Variants in UMAD1 observed in about 807,000 individuals in gnomAD.
UMAD1 encodes UBAP1-MVB12-associated (UMA) domain containing 1.
In UMAD1, 8 loss-of-function variants were observed where a neutral mutation model predicts 6.1. That is an observed-to-expected ratio of 1.30 (90% confidence interval 0.76 to 2.35). The LOEUF (loss-of-function observed/expected upper bound fraction) is 2.35, where lower values mean the gene tolerates loss of function less well. UMAD1 is among the 30% of genes most tolerant of loss of function. UMAD1 has a pLI of 0.00. For missense variants in UMAD1, 130 were observed against 78.4 expected (o/e 1.66, Z -2.49); for synonymous variants, 56 against 31.4 (o/e 1.78, Z -2.61).
chr7:7,860,452 C>T (rs1057513432), intron 3 of UMAD1, among the ~76,000 whole-genome samples: 5 of 151,874 alleles, frequency 3.3e-5, no homozygotes, highest in Admixed American at 6.6e-5. Flanking sequence ...CTCAACTTTT[C>T]CACCTTTTAC....
chr7:7,827,208 TATAGC>T (rs1470437656), intron 3 of UMAD1, among the ~76,000 whole-genome samples: 2 of 149,944 alleles, frequency 1.3e-5, no homozygotes, highest in African/African-American at 4.9e-5. Flanking sequence ...AATGGAATAT[TATAGC>T]ATATGATTTT....
At chr7:7,650,535 G>A (rs1785201153) in intron 1 of UMAD1, among the ~76,000 whole-genome samples, 1 of 152,190 alleles carries the variant, frequency 6.6e-6, no homozygotes, top group Admixed American at 6.5e-5. Flanking sequence ...GTAACAGGAT[G>A]GTAGTGATGG....
chr7:7,845,042 A>G (rs1463970711), intron 3 of UMAD1, among the ~76,000 whole-genome samples: 1 of 152,124 alleles, frequency 6.6e-6, no homozygotes, highest in Non-Finnish European at 1.5e-5. Flanking sequence ...GCACTGTCCA[A>G]TATGGTAGCC....
chr7:7,744,902 C>A (rs1350579121), intron 2 of UMAD1, among the ~76,000 whole-genome samples: 1 of 152,198 alleles, frequency 6.6e-6, no homozygotes, highest in East Asian at 1.9e-4. Context: ...ACCCTTACAA[C>A]ATGGGAGTTA....
intron 3 of UMAD1, among the ~76,000 whole-genome samples, chr7:7,838,355 T>G (rs1783610251): frequency 6.6e-6 from 1 of 152,116 alleles, no homozygotes; most frequent in African/African-American, 2.4e-5. Flanking sequence ...GCAACAGAGT[T>G]AATAAGGTTG....
intron 3 of UMAD1, among the ~76,000 whole-genome samples, chr7:7,804,159 A>G (rs1782858721): frequency 6.6e-6 from 1 of 152,158 alleles, no homozygotes; most frequent in Non-Finnish European, 1.5e-5. Flanking sequence ...CGGCTGGGCA[A>G]TGAGAGGACA....
intron 3 of UMAD1, among the ~76,000 whole-genome samples, chr7:7,865,265 A>G (rs1784204408): frequency 6.6e-6 from 1 of 152,150 alleles, no homozygotes; most frequent in African/African-American, 2.4e-5. Flanking sequence ...TGTGAGACTG[A>G]TCCCTGAACC....
At chr7:7,681,536 A>G (rs1348783551) in intron 2 of UMAD1, among the ~76,000 whole-genome samples, 1 of 152,164 alleles carries the variant, frequency 6.6e-6, no homozygotes, top group Admixed American at 6.5e-5. Flanking sequence ...GTTCTTGTAG[A>G]AAAACATCCT....
chr7:7,681,879 T>C (rs1460274437), intron 2 of UMAD1, among the ~76,000 whole-genome samples: 1 of 152,156 alleles, frequency 6.6e-6, no homozygotes, highest in Non-Finnish European at 1.5e-5. Flanking sequence ...GCGTAAATGT[T>C]AGGATATAAT....
chr7:7,772,414 G>C (rs946765891), intron 2 of UMAD1: 2 of 152,192 alleles, frequency 1.3e-5, no homozygotes, highest in Admixed American at 1.3e-4. Flanking sequence ...ATCTTGCTTT[G>C]AAAGGTAGGC....
At chr7:7,799,515 C>G (rs1782755589) in intron 2 of UMAD1, among the ~76,000 whole-genome samples, 1 of 152,154 alleles carries the variant, frequency 6.6e-6, no homozygotes, top group East Asian at 1.9e-4. Context: ...TGATTTTAAC[C>G]AAATATAGTG....
At chr7:7,666,362 C>G (rs889320314) in intron 1 of UMAD1, among the ~76,000 whole-genome samples, 2 of 152,024 alleles carry the variant, frequency 1.3e-5, no homozygotes, top group African/African-American at 4.8e-5. Flanking sequence ...CGCCACCACA[C>G]CTGGCTGATT....
At chr7:7,739,474 C>T (rs1444143938) in intron 2 of UMAD1, among the ~76,000 whole-genome samples, 1 of 152,140 alleles carries the variant, frequency 6.6e-6, no homozygotes, top group East Asian at 1.9e-4. Context: ...TTTGAAGTAA[C>T]TGATTATTTG....
intron 1 of UMAD1, among the ~76,000 whole-genome samples, chr7:7,660,437 T>G (rs1475192525): frequency 6.6e-6 from 1 of 152,236 alleles, no homozygotes; most frequent in Non-Finnish European, 1.5e-5. Flanking sequence ...CAGTGGCTGG[T>G]ACCTGTTGTT....
chr7:7,802,332 C>T (rs866537520), intron 3 of UMAD1, among the ~76,000 whole-genome samples: 1 of 151,206 alleles, frequency 6.6e-6, no homozygotes, highest in Non-Finnish European at 1.5e-5. Flanking sequence ...GAGCCTAGAT[C>T]GCGCCTCTGC....
At chr7:7,784,283 AT>A in intron 2 of UMAD1, among the ~76,000 whole-genome samples, 1 of 151,730 alleles carries the variant, frequency 6.6e-6, no homozygotes, top group South Asian at 2.1e-4. Context: ...CTTTCATGAA[AT>A]TTTCAAGGAA....
intron 1 of UMAD1, among the ~76,000 whole-genome samples, chr7:7,650,576 A>C (rs4720748): frequency 0.31 from 46,710 of 152,194 alleles, 9,133 homozygotes; most frequent in East Asian, 0.79. Flanking sequence ...ACCTAATGCC[A>C]CTAAACCGTA....
chr7:7,815,209 A>G (rs1010680801), intron 3 of UMAD1, among the ~76,000 whole-genome samples: 11 of 152,198 alleles, frequency 7.2e-5, no homozygotes, highest in African/African-American at 2.7e-4. Flanking sequence ...TGTATCAGAC[A>G]GACTTGTAGC....
intron 1 of UMAD1, among the ~76,000 whole-genome samples, chr7:7,643,370 GC>G (rs1785018429): frequency 6.6e-6 from 1 of 152,198 alleles, no homozygotes; most frequent in African/African-American, 2.4e-5. Flanking sequence ...CCTGCCGGCA[GC>G]CTATCCTAAG....
Sources: gnomAD v4.1 joint callset for allele counts (sites outside exome capture counted in the v4.1 genomes callset) on GRCh38, gnomAD v4.1.1 for gene constraint, MANE v1.5 for transcripts, NCBI Gene and HGNC (gene_info 2026-07-23, HGNC 2026-07-21) for gene names.